SERP2: variants seen among roughly 807,000 people sequenced by gnomAD.
SERP2 encodes stress-associated endoplasmic reticulum protein 2.
A neutral mutation model predicts 9.1 loss-of-function variants in SERP2; 6 were observed. The ratio of observed to expected loss-of-function variants is 0.66; its 90% CI spans 0.36 to 1.30. The LOEUF is 1.30. Among genes scored for constraint, SERP2 ranks in the 50% most tolerant of loss-of-function variants. The pLI, the probability that SERP2 is intolerant of heterozygous loss-of-function variation, is 0.03. For missense variants in SERP2, 58 were observed against 81.9 expected, an observed-to-expected ratio of 0.71 and a Z score of 1.13; for synonymous variants, 37 against 27.3, an observed-to-expected ratio of 1.35 and a Z score of -1.10.
chr13:44,381,988 TAGGA>T (rs1329403781), intron 2 of SERP2, among the ~76,000 whole-genome samples: 1 of 122,956 alleles, frequency 8.1e-6, no homozygotes, highest in Non-Finnish European at 1.8e-5. Flanking sequence ...AGTTAGTGCT[TAGGA>T]TGGATGGATG....
intron 1 of SERP2, among the ~76,000 whole-genome samples, chr13:44,375,234 CA>C (rs1441246486): frequency 6.6e-6 from 1 of 151,908 alleles, no homozygotes; most frequent in Non-Finnish European, 1.5e-5. Context: ...ATTAACTAAG[CA>C]AAAAGCTAGA....
intron 2 of SERP2, among the ~76,000 whole-genome samples, chr13:44,384,284 C>T (rs1172269591): frequency 6.6e-6 from 1 of 152,186 alleles, no homozygotes; most frequent in Non-Finnish European, 1.5e-5. Flanking sequence ...CTTGCAGAAC[C>T]GACTATTCCC....
intron 2 of SERP2, among the ~76,000 whole-genome samples, chr13:44,392,012 T>C (rs749339339): frequency 1.3e-5 from 2 of 150,860 alleles, no homozygotes; most frequent in African/African-American, 2.4e-5. Context: ...CTGGCCAACA[T>C]AGTGAAACCC....
chr13:44,388,139 CTTT>C (rs11357439), intron 2 of SERP2, among the ~76,000 whole-genome samples: 11 of 148,420 alleles, frequency 7.4e-5, no homozygotes, highest in Admixed American at 6.7e-5. Context: ...GGTTTTTGGT[CTTT>C]TTTTTTTTTT....
At chr13:44,382,820 CCT>C (rs1218802869) in intron 2 of SERP2, among the ~76,000 whole-genome samples, 1 of 152,150 alleles carries the variant, frequency 6.6e-6, no homozygotes, top group East Asian at 1.9e-4. Context: ...GAAATACAAT[CCT>C]GTTTGGGTAC....
At chr13:44,395,603 CAAAAAAAAA>C (rs369797464) in intron 2 of SERP2, among the ~76,000 whole-genome samples, 5 of 51,110 alleles carry the variant, frequency 9.8e-5, no homozygotes, top group African/African-American at 1.5e-4. Context: ...GACTCCGTCT[CAAAAAAAAA>C]AAAAAAAAAA....
chr13:44,374,221 C>T (rs1038385284), intron 1 of SERP2, 112 bp downstream of exon 1: 30 of 706,672 alleles, frequency 4.2e-5, no homozygotes, highest in African/African-American at 1.1e-4. Context: ...TCCCGGCTCC[C>T]GGCCCGCCCC....
intron 2 of SERP2, chr13:44,395,783 G>A: frequency 2.2e-6 from 1 of 456,830 alleles, no homozygotes; most frequent in Non-Finnish European, 4.4e-6. Flanking sequence ...AATTCTAACA[G>A]TTTCTGTTTT....
At position 44,378,720 on chromosome 13, in the gene SERP2, T is replaced by C. The variant is rs7325787; in HGVS notation, c.85-921T>C. On this transcript the variant is annotated intron_variant, in intron 1 of 2. Coordinates refer to ENST00000379179, the MANE Select transcript of SERP2 (RefSeq NM_001010897.3). ...TTTGAGAAATTCACTTCTTTTCTGA[T>C]GCATCTCTCAGAAAATATTTGTTGT... 8.9e-3 allele frequency among the ~76,000 whole-genome samples: 1,363 copies of C among 152,322 alleles called. 23 individuals are homozygous for C. Among genetic ancestry groups the C allele is most frequent in the African/African-American group, 0.031 (1,287 of 41,560 alleles).
chr13:44,374,106 C>T lies in SERP2; in HGVS notation c.81C>T (p.Thr27=). 1 of 1,563,480 alleles carries T rather than the reference C, an allele frequency of 6.4e-7. No individual in the cohort carries two copies. The highest frequency in any genetic ancestry group is 8.6e-7 in the Non-Finnish European group (1 of 1,156,116). The change falls in exon 1 of 3, where the codon ACC becomes ACT. Residue 27 remains threonine, a synonymous_variant. Transcript: ENST00000379179. ...NITQRGNVAK[T]LRPQEEKYPV... is the part of the protein sequence containing the mutation. ...CCCAGAGGGGGAACGTAGCCAAAAC[C>T]CTGGTAAGGCGGGGTCGGCGCCGGC...
rs112700748 is a variant in SERP2, at chr13:44,396,433, C to CAA, written c.158-823_158-822dup. On this transcript the variant is annotated intron_variant, in intron 2 of 2. Coordinates refer to ENST00000379179, the MANE Select transcript of SERP2 (RefSeq NM_001010897.3). ...AGATGAGATGATACCCACCCTCCTT[C>CAA]AAAAAAAAAAAAAAAAAGCCATTCA... 5.8e-3 allele frequency among the ~76,000 whole-genome samples: 542 copies of CAA among 93,614 alleles called. 3 individuals are homozygous for CAA. Among genetic ancestry groups the CAA allele is most frequent in the African/African-American group, 0.017 (469 of 27,278 alleles). The allele number at this position is 93,614 out of a possible 152,430, so 61.4% of individuals were successfully genotyped here.
chr13:44,390,317 CACTTG>C, intron 2 of SERP2: 1 of 313,518 alleles, frequency 3.2e-6, no homozygotes, highest in Non-Finnish European at 6.5e-6. Context: ...CCGCCCTGGA[CACTTG>C]CTCCAGGACA....
chr13:44,396,461 A>G (rs1873110491), intron 2 of SERP2, among the ~76,000 whole-genome samples: 1 of 151,774 alleles, frequency 6.6e-6, no homozygotes, highest in South Asian at 2.1e-4. Context: ...GCCATTCAAT[A>G]CATGGTAGTT....
chr13:44,395,742 C>T (rs1444584540), intron 2 of SERP2: 2 of 454,056 alleles, frequency 4.4e-6, no homozygotes, highest in Non-Finnish European at 8.9e-6. Flanking sequence ...CTGACACTCA[C>T]ATGGAGCTGA....
chr13:44,386,699 A>G (rs1872338307), intron 2 of SERP2, among the ~76,000 whole-genome samples: 1 of 152,224 alleles, frequency 6.6e-6, no homozygotes, highest in Non-Finnish European at 1.5e-5. Flanking sequence ...GTTAATATAT[A>G]GATTATTTAA....
At chr13:44,384,914 A>C (rs1165870010) in intron 2 of SERP2, among the ~76,000 whole-genome samples, 1 of 152,150 alleles carries the variant, frequency 6.6e-6, no homozygotes, top group Non-Finnish European at 1.5e-5. Flanking sequence ...CACTTTTCTC[A>C]TTGGTGATTG....
At chr13:44,374,149 CCCGG>C in intron 1 of SERP2, 40 bp downstream of exon 1, 1 of 1,348,648 alleles carries the variant, frequency 7.4e-7, no homozygotes, top group Non-Finnish European at 1.0e-6. Context: ...AGCCCTGCAG[CCCGG>C]CGGGGTGGGG....
At position 44,378,463 on chromosome 13, in the gene SERP2, T is replaced by A. The variant is rs578221774; in HGVS notation, c.85-1178T>A. Among the ~76,000 whole-genome samples the A allele has an allele frequency of 1.9e-3, 284 of 152,342 alleles. 1 individual carries two copies. The highest frequency in any genetic ancestry group is 4.6e-3 in the African/African-American group (190 of 41,584). ...ACCTTTTAGCCCATATTTTACAATGTTGAATACAATGTTTAAATGTCAACA... is the reference window on the plus strand; with the variant it reads ...ACCTTTTAGCCCATATTTTACAATGATGAATACAATGTTTAAATGTCAACA... On this transcript the variant is annotated intron_variant, in intron 1 of 2. Transcript: ENST00000379179.
At chr13:44,380,532 C>T (rs1281457625) in intron 2 of SERP2, among the ~76,000 whole-genome samples, 1 of 152,020 alleles carries the variant, frequency 6.6e-6, no homozygotes, top group Non-Finnish European at 1.5e-5. Context: ...GCATTCAAAC[C>T]TAAAATCATG....
Sources: gnomAD v4.1 joint callset for allele counts (sites outside exome capture counted in the v4.1 genomes callset) on GRCh38, gnomAD v4.1.1 for gene constraint, MANE v1.5 for transcripts, NCBI Gene and HGNC (gene_info 2026-07-23, HGNC 2026-07-21) for gene names.